NNMT: variants seen among roughly 807,000 people sequenced by gnomAD.
NNMT encodes nicotinamide N-methyltransferase.
Under a neutral mutation model 11.7 loss-of-function variants are expected in NNMT, and 10 were observed. The ratio of observed to expected loss-of-function variants is 0.85; its 90% CI spans 0.53 to 1.45. The LOEUF (loss-of-function observed/expected upper bound fraction) is 1.45. NNMT is among the 40% of genes most tolerant of loss of function. The probability of loss-of-function intolerance (pLI) is 0.00; values close to 1 mark genes in which losing one functional copy is unlikely to be tolerated. For missense variants in NNMT, 381 were observed against 319.4 expected, an observed-to-expected ratio of 1.19 and a Z score of -1.47; for synonymous variants, 143 against 133.8, an observed-to-expected ratio of 1.07 and a Z score of -0.48.
chr11:114,273,389 C>T (rs1945187028), intron 2 of NNMT, among the ~76,000 whole-genome samples: 1 of 152,106 alleles, frequency 6.6e-6, no homozygotes, highest in Admixed American at 6.5e-5. Flanking sequence ...TTGCCAGAGT[C>T]CAAATGATAT....
rs543222879 is a variant in NNMT, at chr11:114,260,021, AC to A, written c.-217+2146del. On this transcript the variant is annotated intron_variant, in intron 1 of 4. Transcript: ENST00000535401. ...TGACTTCATCCATACCTACTCTGGG[AC>A]CCGATGGGGCTCCTCTTATTCTGAC... 5.0e-4 allele frequency among the ~76,000 whole-genome samples: 76 copies of A among 152,216 alleles called. No individual in the cohort carries two copies. In the South Asian group the frequency reaches 0.015, roughly 30 times the overall value.
intron 2 of NNMT, among the ~76,000 whole-genome samples, chr11:114,271,900 G>A (rs1461889657): frequency 6.6e-6 from 1 of 152,066 alleles, no homozygotes; most frequent in Admixed American, 6.5e-5. Flanking sequence ...AGAAGAGATG[G>A]GAAACCCTAA....
rs142053407 is a variant in NNMT, at chr11:114,276,478, C to T, written c.-130+13544C>T. 5.1e-3 allele frequency among the ~76,000 whole-genome samples: 774 copies of T among 152,252 alleles called. 7 individuals are homozygous for T. Among genetic ancestry groups the T allele is most frequent in the African/African-American group, 0.017 (694 of 41,544 alleles). ...CTGCTACCTCATTTGCTTTCCTCTT[C>T]GTTTAGTCTGTTTTATTTAGAAACC... On this transcript the variant is annotated intron_variant, in intron 2 of 4. Transcript: ENST00000535401.
At chr11:114,268,829 C>A (rs944761775) in intron 2 of NNMT, among the ~76,000 whole-genome samples, 1 of 148,992 alleles carries the variant, frequency 6.7e-6, no homozygotes, top group Non-Finnish European at 1.5e-5. Flanking sequence ...GCTCCTGAAT[C>A]AGAATTTGTG....
chr11:114,284,664 G>T (rs557316015), intron 2 of NNMT, among the ~76,000 whole-genome samples: 19 of 151,056 alleles, frequency 1.3e-4, no homozygotes, highest in South Asian at 4.2e-4. Flanking sequence ...GGGTTTCACC[G>T]TGTTAGCCAG....
intron 2 of NNMT, 36 bp from the exon 3 acceptor site, chr11:114,312,009 A>AGT: frequency 6.6e-7 from 1 of 1,525,416 alleles, no homozygotes; most frequent in South Asian, 1.3e-5. Flanking sequence ...CCATGACTGG[A>AGT]GTGGAAAACA....
At chr11:114,280,878 G>C (rs1480082700) in intron 2 of NNMT, among the ~76,000 whole-genome samples, 2 of 152,164 alleles carry the variant, frequency 1.3e-5, no homozygotes, top group Non-Finnish European at 2.9e-5. Flanking sequence ...TCATTTGCCG[G>C]CAGCCTGCAC....
chr11:114,311,560 C>T lies in NNMT; in HGVS notation c.363-485C>T, dbSNP rs546207266. Among the ~76,000 whole-genome samples the T allele has an allele frequency of 2.6e-5, 4 of 152,286 alleles. No homozygotes were observed. In the East Asian group the frequency reaches 7.7e-4, roughly 29 times the overall value. ...TAAAAATATCTATGGAAGACCTCAC[C>T]ACTCTTATTGATCAGCAACTACTGC... On this transcript the variant is annotated intron_variant, in intron 2 of 2. Transcript: ENST00000299964.
chr11:114,300,086 AT>A (rs1245818339), intron 2 of NNMT, among the ~76,000 whole-genome samples: 1 of 150,508 alleles, frequency 6.6e-6, no homozygotes, highest in Non-Finnish European at 1.5e-5. Flanking sequence ...AGTTTACTTT[AT>A]TTTTTTCTAG....
chr11:114,263,396 C>G (rs570448889), intron 2 of NNMT, among the ~76,000 whole-genome samples: 25 of 152,340 alleles, frequency 1.6e-4, no homozygotes, highest in Non-Finnish European at 3.1e-4. Context: ...ACCAGACACT[C>G]CCTTCTGGGC....
intron 2 of NNMT, among the ~76,000 whole-genome samples, chr11:114,264,644 A>G (rs1278732379): frequency 6.6e-6 from 1 of 152,196 alleles, no homozygotes; most frequent in Non-Finnish European, 1.5e-5. Flanking sequence ...CAGTCCCACA[A>G]AAGCGCCTCC....
At chr11:114,295,954 C>A (rs1326902934), upstream of NNMT, 5 of 152,154 alleles carry the variant, frequency 3.3e-5, no homozygotes, top group African/African-American at 9.7e-5. Context: ...AAAGCCTTAT[C>A]CAGGCTTTTA....
At chr11:114,309,690 T>G (rs1437602573) in intron 2 of NNMT, among the ~76,000 whole-genome samples, 1 of 152,190 alleles carries the variant, frequency 6.6e-6, no homozygotes, top group Non-Finnish European at 1.5e-5. Flanking sequence ...TTAGTATACT[T>G]TCAGAGTTGT....
chr11:114,299,109 C>T (rs933897228), intron 2 of NNMT, among the ~76,000 whole-genome samples: 14 of 152,108 alleles, frequency 9.2e-5, no homozygotes, highest in African/African-American at 3.4e-4. Context: ...CAACTTTATG[C>T]TTTTTATTTA....
intron 2 of NNMT, 144 bp from the exon 3 acceptor site, chr11:114,311,901 G>T: frequency 1.3e-6 from 1 of 766,356 alleles, no homozygotes; most frequent in Non-Finnish European, 2.1e-6. Context: ...TGACCCCTCA[G>T]TTCTTCTTTC....
At chr11:114,304,998 AC>A (rs150833191) in intron 2 of NNMT, among the ~76,000 whole-genome samples, 11,909 of 152,276 alleles carry the variant, frequency 0.078, 554 homozygotes, top group Middle Eastern at 0.15. Context: ...GCATTACTTA[AC>A]CTATGGTTCC....
intron 2 of NNMT, among the ~76,000 whole-genome samples, chr11:114,286,953 A>G (rs1008237352): frequency 5.9e-5 from 9 of 152,286 alleles, no homozygotes; most frequent in Middle Eastern, 3.4e-3. Flanking sequence ...TGCCAGTTTG[A>G]TGGCTGCATA....
Position 114,312,122 on chromosome 11 carries a change from A to C in NNMT, c.440A>C (p.Gln147Pro). ...QVLKCDVTQSQPLGAVPLPPA... is the reference protein window; with the variant it reads ...QVLKCDVTQSPPLGAVPLPPA... ...CTGAAGTGTGATGTGACTCAGAGCC[A>C]GCCACTGGGGGCCGTCCCCTTACCC... The change falls in exon 3 of 3, where the codon CAG (glutamine) becomes CCG (proline). Residue 147 changes from glutamine to proline, a missense_variant. Gln to Pro is a moderately conservative substitution (Grantham distance 76). Coordinates refer to ENST00000299964, the MANE Select transcript of NNMT (RefSeq NM_006169.3). 2 of 1,613,626 alleles carry C rather than the reference A, an allele frequency of 1.2e-6. No individual in the cohort carries two copies. The highest frequency in any genetic ancestry group is 1.7e-6 in the Non-Finnish European group (2 of 1,179,654).
In NNMT at chr11:114,296,440, G is replaced by A; in HGVS notation, c.-117G>A. On this transcript the variant is annotated 5_prime_UTR_variant, in exon 1 of 3. Coordinates refer to ENST00000299964, the MANE Select transcript of NNMT (RefSeq NM_006169.3). ...TCTGTTCTAAAAGAAGGGCTGAACTGATGGAAGGAATGCTGTTAGCCTGAG... is the reference window on the plus strand; with the variant it reads ...TCTGTTCTAAAAGAAGGGCTGAACTAATGGAAGGAATGCTGTTAGCCTGAG... 1 of 1,022,536 alleles carries A rather than the reference G, an allele frequency of 9.8e-7. No homozygotes were observed. Among genetic ancestry groups the A allele is most frequent in the Non-Finnish European group, 1.4e-6 (1 of 698,106 alleles). The allele number at this position is 1,022,536 out of a possible 1,614,324, so 63.3% of individuals were successfully genotyped here.
Sources: allele counts gnomAD v4.1 joint callset (sites outside exome capture counted in the v4.1 genomes callset), GRCh38; gene constraint gnomAD v4.1.1; transcripts MANE v1.5; gene names NCBI Gene and HGNC (gene_info 2026-07-23, HGNC 2026-07-21).